The following H2BC18 variants were observed in gnomAD, a reference collection of about 807,000 sequenced individuals.
H2BC18 encodes histone H2B type 2-F.
A neutral mutation model predicts 6.3 loss-of-function variants in H2BC18; 8 were observed. The observed-to-expected ratio is 1.28, with a 90% CI of 0.75 to 2.31. The LOEUF is 2.31. Ranked by LOEUF, H2BC18 falls within the 30% of genes most tolerant of loss-of-function variation. H2BC18 has a pLI of 0.00. For synonymous variants in H2BC18, 104 were observed against 78.1 expected (o/e 1.33, Z -1.75); for missense variants, 106 against 174.5 (o/e 0.61, Z 2.21).
In H2BC18 at chr1:149,790,325, G is replaced by C. The variant is rs1393937754; in HGVS notation, c.378-7065C>G. On this transcript the variant is annotated intron_variant, in intron 1 of 1. Transcript: ENST00000545683. ...TCCTTAAGCGCAGCCCTGAGTTGGA[G>C]CTTCAAGTGCTTGGTGAGTGAGAAT... 1.5e-5 allele frequency: 24 copies of C among 1,587,324 alleles called. No individual in the cohort carries two copies. Among genetic ancestry groups the C allele is most frequent in the Middle Eastern group, 4.3e-4 (2 of 4,670 alleles).
downstream of H2BC18, among the ~76,000 whole-genome samples, chr1:149,809,443 AAGAAAAAAAGTT>A (rs1341741929): frequency 2.0e-5 from 3 of 152,088 alleles, no homozygotes; most frequent in African/African-American, 4.8e-5. Context: ...GTAAAGGAGT[AAGAAAAAAAGTT>A]AGAAAAAAAG....
At chr1:149,792,637 T>C in intron 1 of H2BC18, 1 of 1,267,684 alleles carries the variant, frequency 7.9e-7, no homozygotes, top group Non-Finnish European at 1.0e-6. Context: ...ATGTGCATAT[T>C]GCAGCCTCCG....
In H2BC18 at chr1:149,797,743, G is replaced by A. The variant is rs827359; in HGVS notation, c.377+14204C>T. Among the ~76,000 whole-genome samples, 6 of 152,260 alleles carry A rather than the reference G, an allele frequency of 3.9e-5. No individual in the cohort carries two copies. The South Asian group carries it at 6.2e-4, about 16-fold the overall frequency. ...CTCCCTAGCAGTTCGAACTATAGGC[G>A]TGCACCACGACATCCAGCTAATTTT... On this transcript the variant is annotated intron_variant, in intron 1 of 1. Coordinates refer to the H2BC18 transcript ENST00000545683.
chr1:149,807,323 C>CA (rs1175880418), downstream of H2BC18, among the ~76,000 whole-genome samples: 52 of 150,778 alleles, frequency 3.4e-4, no homozygotes, highest in African/African-American at 6.2e-4. Context: ...CCCATCTCTA[C>CA]AAAAACAAAA....
chr1:149,809,779 G>C (rs587775727), downstream of H2BC18, among the ~76,000 whole-genome samples: 2 of 149,768 alleles, frequency 1.3e-5, no homozygotes, highest in Admixed American at 6.6e-5. Flanking sequence ...AGATGAAAAA[G>C]CTTCTCAGAG....
chr1:149,810,679 C>CATAT (rs2091963672), downstream of H2BC18: 1 of 152,096 alleles, frequency 6.6e-6, no homozygotes, highest in Non-Finnish European at 1.5e-5. Context: ...ATTCACCCCA[C>CATAT]ATATTAACTG....
chr1:149,786,608 G>A (rs1237438333), intron 1 of H2BC18: 10 of 152,128 alleles, frequency 6.6e-5, no homozygotes, highest in East Asian at 1.9e-4. Context: ...TGGTGGACCC[G>A]AGCCCTAATC....
intron 1 of H2BC18, among the ~76,000 whole-genome samples, chr1:149,798,499 AT>A (rs1186946173): frequency 6.6e-6 from 1 of 151,862 alleles, no homozygotes; most frequent in African/African-American, 2.4e-5. Context: ...ATATGCACAT[AT>A]GTGTATGTAT....
chr1:149,812,237 C>T lies in H2BC18; in HGVS notation c.87G>A (p.Lys29=), dbSNP rs587654427. 2 of 1,614,276 alleles carry T rather than the reference C, an allele frequency of 1.2e-6. No individual in the cohort carries two copies. Among genetic ancestry groups the T allele is most frequent in the East Asian group, 2.2e-5 (1 of 44,890 alleles). ...AGCTCTCCTTGCGGCTGCGCTTGCG[C>T]TTCTTGCCGTCCTTCTTCTGCACTT... ...VTKVQKKDGK[K]RKRSRKESYS... is the part of the protein sequence containing the mutation. The change falls in exon 1 of 1, where the codon AAG becomes AAA. Residue 29 remains lysine (K), a synonymous_variant. Transcript: ENST00000369167.
intron 1 of H2BC18, chr1:149,790,163 G>C (rs781973576): frequency 2.5e-6 from 4 of 1,614,002 alleles, no homozygotes; most frequent in Non-Finnish European, 3.4e-6. Context: ...GGCCTGGTTT[G>C]CAGCTTTACT....
chr1:149,793,191 T>C lies in H2BC18; in HGVS notation c.378-9931A>G, dbSNP rs782408365. ...AGGAAACGGGAGGACGGCGCTGGGC[T>C]CCCAGCAGGCGCCCCATTTTCTTGG... is the stretch of plus-strand genomic sequence containing the variant. On this transcript the variant is annotated intron_variant, in intron 1 of 1. Coordinates refer to the H2BC18 transcript ENST00000545683. The C allele has an allele frequency of 5.5e-6, 7 of 1,277,648 alleles. No homozygotes were observed. The South Asian group carries it at 7.5e-5, about 14-fold the overall frequency. The allele number at this position is 1,277,648 out of a possible 1,614,324, so 79.1% of individuals were successfully genotyped here. A position where few individuals can be genotyped will look rare whatever the true frequency, so the allele number is the denominator to read the frequency against.
chr1:149,784,725 CA>C (rs1553750641), intron 1 of H2BC18, among the ~76,000 whole-genome samples: 4 of 147,944 alleles, frequency 2.7e-5, no homozygotes. Flanking sequence ...TATATACACA[CA>C]TATATATAGT....
At chr1:149,797,803 G>A (rs2091817322) in intron 1 of H2BC18, among the ~76,000 whole-genome samples, 1 of 152,166 alleles carries the variant, frequency 6.6e-6, no homozygotes, top group Non-Finnish European at 1.5e-5. Flanking sequence ...CTGCCATGTT[G>A]TCCAGGCTGG....
intron 1 of H2BC18, chr1:149,803,602 G>A (rs1416907674): frequency 1.3e-5 from 2 of 152,202 alleles, no homozygotes; most frequent in East Asian, 3.8e-4. Context: ...TGGGAAAGTG[G>A]ACCAGTATCC....
At chr1:149,792,147 A>G (rs2091726723) in intron 1 of H2BC18, 1 of 158,530 alleles carries the variant, frequency 6.3e-6, no homozygotes, top group Non-Finnish European at 1.4e-5. Flanking sequence ...GCTCTCTCAT[A>G]ACCCCTCTAT....
intron 1 of H2BC18, chr1:149,792,602 GC>G (rs1458235551): frequency 3.3e-6 from 4 of 1,206,450 alleles, no homozygotes; most frequent in Admixed American, 3.3e-5. Flanking sequence ...CCCGCGGCGG[GC>G]CCCTGGCGCC....
chr1:149,790,008 T>C (rs377589277), intron 1 of H2BC18: 143 of 1,612,704 alleles, frequency 8.9e-5, no homozygotes, highest in Non-Finnish European at 1.2e-4. Flanking sequence ...GAAAAGGACC[T>C]GGATGCTAAA....
intron 1 of H2BC18, chr1:149,790,363 C>T: frequency 6.3e-7 from 1 of 1,575,178 alleles, no homozygotes; most frequent in Non-Finnish European, 8.6e-7. Context: ...CGGGAAGCCA[C>T]TGGCACAGAA....
intron 1 of H2BC18, chr1:149,794,183 G>C: frequency 8.6e-6 from 3 of 350,786 alleles, no homozygotes; most frequent in Non-Finnish European, 1.7e-5. Context: ...TGGAGCTATT[G>C]AGAGTGGTCA....
Sources: gnomAD v4.1 joint callset for allele counts (sites outside exome capture counted in the v4.1 genomes callset) on GRCh38, gnomAD v4.1.1 for gene constraint, MANE v1.5 for transcripts, NCBI Gene and HGNC (gene_info 2026-07-23, HGNC 2026-07-21) for gene names.